FARSB: variants seen among roughly 807,000 people sequenced by gnomAD.
The protein encoded by FARSB is phenylalanyl-tRNA synthetase subunit beta, also known as phenylalanine--tRNA ligase beta subunit.
Under a neutral mutation model 69.6 loss-of-function variants are expected in FARSB, and 40 were observed. That is an observed-to-expected ratio of 0.57 (90% confidence interval 0.45 to 0.75). FARSB has a LOEUF of 0.75. Among genes scored for constraint, FARSB ranks in the 30% least tolerant of loss-of-function variants. The probability of loss-of-function intolerance (pLI) is 0.00; values close to 1 mark genes in which losing one functional copy is unlikely to be tolerated. For missense variants in FARSB, 632 were observed against 722.9 expected (o/e 0.87, Z 1.44); for synonymous variants, 235 against 247.2 (o/e 0.95, Z 0.46).
chr2:222,618,409 C>A (rs1318051960), intron 14 of FARSB, among the ~76,000 whole-genome samples: 1 of 152,108 alleles, frequency 6.6e-6, no homozygotes, highest in East Asian at 1.9e-4. Context: ...TTTATAATAG[C>A]ATTAACCTTC....
chr2:222,635,287 A>C (rs1425738010), intron 5 of FARSB, among the ~76,000 whole-genome samples: 1 of 152,228 alleles, frequency 6.6e-6, no homozygotes, highest in East Asian at 1.9e-4. Flanking sequence ...TCTAACAGTC[A>C]ATTTGAAAGG....
chr2:222,605,161 T>TTC (rs71053093), intron 15 of FARSB, among the ~76,000 whole-genome samples: 1,696 of 132,680 alleles, frequency 0.013, 30 homozygotes, highest in Middle Eastern at 0.031. Context: ...AATACAAACT[T>TTC]TCTCTCTCTC....
At chr2:222,655,944 C>A in intron 1 of FARSB, 72 bp downstream of exon 1, 1 of 1,248,786 alleles carries the variant, frequency 8.0e-7, no homozygotes, top group Non-Finnish European at 1.1e-6. Flanking sequence ...AATGTCGCCA[C>A]ATTGCCCTTT....
Position 222,633,682 on chromosome 2 carries a change from C to CA in FARSB, c.607-376dup, listed in dbSNP as rs10596934. On this transcript the variant is annotated intron_variant, in intron 6 of 16. Transcript: ENST00000281828. Reference sequence around the variant, plus strand: ...GGGCAACAAGAGCGAAACTCCGTCTCAAAAAAAAAAAAAAAAAAAAAGGAG... The same window carrying CA: ...GGGCAACAAGAGCGAAACTCCGTCTCAAAAAAAAAAAAAAAAAAAAAAGGAG... Among the ~76,000 whole-genome samples, 365 of 88,152 alleles carry CA rather than the reference C, an allele frequency of 4.1e-3. 4 individuals carry two copies. Among genetic ancestry groups the CA allele is most frequent in the African/African-American group, 0.011 (238 of 22,502 alleles). 57.8% of individuals were successfully genotyped at this position (88,152 alleles called of 152,430 possible).
chr2:222,596,681 A>G (rs1690425840), intron 16 of FARSB, among the ~76,000 whole-genome samples: 1 of 152,084 alleles, frequency 6.6e-6, no homozygotes, highest in Admixed American at 6.5e-5. Flanking sequence ...ATAACAATAA[A>G]CTGGAGGAAA....
intron 7 of FARSB, among the ~76,000 whole-genome samples, chr2:222,632,056 C>A (rs536858137): frequency 2.6e-5 from 4 of 151,900 alleles, no homozygotes; most frequent in Admixed American, 2.6e-4. Context: ...TGCAATGGCA[C>A]GACATGGTGC....
chr2:222,575,162 A>G (rs1378128548), intron 16 of FARSB, among the ~76,000 whole-genome samples: 1 of 152,250 alleles, frequency 6.6e-6, no homozygotes, highest in African/African-American at 2.4e-5. Flanking sequence ...GAAAGGGGGT[A>G]GTTGAGCACA....
In FARSB at chr2:222,640,907, C is replaced by T. The variant is rs1366476591; in HGVS notation, c.294G>A (p.Arg98=). 1.9e-6 allele frequency: 3 copies of T among 1,540,360 alleles called. No individual in the cohort carries two copies. The highest frequency in any genetic ancestry group is 2.8e-5 in the African/African-American group (2 of 72,628). Residue 98 remains arginine (R), a synonymous_variant, in exon 4 of 17, where the codon CGG becomes CGA. Coordinates refer to ENST00000281828, the MANE Select transcript of FARSB (RefSeq NM_005687.5). The part of the protein sequence containing the change: ...KERIKAPVYK[R]VMPDGKIQKL... Reference sequence around the variant, plus strand: ...TCTGGATTTTTCCATCAGGCATTACCCGTTTATACACTGGAGCCTTTATCC... The same window carrying T: ...TCTGGATTTTTCCATCAGGCATTACTCGTTTATACACTGGAGCCTTTATCC...
chr2:222,631,731 A>G (rs745469484), intron 7 of FARSB, 57 bp from the exon 8 acceptor site: 45 of 950,778 alleles, frequency 4.7e-5, no homozygotes, highest in Non-Finnish European at 7.1e-5. Context: ...ATAGAAGTGC[A>G]CTATTAAGCT....
chr2:222,586,341 A>G (rs1690111999), intron 16 of FARSB, among the ~76,000 whole-genome samples: 1 of 152,240 alleles, frequency 6.6e-6, no homozygotes, highest in Admixed American at 6.5e-5. Flanking sequence ...GGCCTACCTT[A>G]CAAGAGCTCC....
chr2:222,600,656 A>G lies in FARSB; in HGVS notation c.1463-573T>C, dbSNP rs138217218. 2.7e-3 allele frequency among the ~76,000 whole-genome samples: 414 copies of G among 152,362 alleles called. 1 individual carries two copies. The highest frequency in any genetic ancestry group is 9.5e-3 in the African/African-American group (393 of 41,586). The stretch of plus-strand genomic sequence containing the variant: ...ATCATAGTAAATGAAAATTAAAAAG[A>G]GACCACAAGGTTCAAAAAGAGGCAA... On this transcript the variant is annotated intron_variant, in intron 15 of 16. Coordinates refer to ENST00000281828, the MANE Select transcript of FARSB (RefSeq NM_005687.5).
At chr2:222,625,491 G>C (rs74320753) in intron 10 of FARSB, among the ~76,000 whole-genome samples, 1 of 152,140 alleles carries the variant, frequency 6.6e-6, no homozygotes, top group Non-Finnish European at 1.5e-5. Context: ...CTCAAAATGC[G>C]GTCCTCAGAG....
chr2:222,634,581 GA>G, intron 5 of FARSB, 40 bp from the exon 6 acceptor site: 1 of 1,512,702 alleles, frequency 6.6e-7, no homozygotes, highest in Non-Finnish European at 9.0e-7. Context: ...GGGAGGAAAG[GA>G]AAGGAGGAGA....
chr2:222,599,616 T>C (rs1239967478), intron 16 of FARSB, among the ~76,000 whole-genome samples: 1 of 152,200 alleles, frequency 6.6e-6, no homozygotes, highest in Non-Finnish European at 1.5e-5. Context: ...ACTTCTGGGT[T>C]CACCATGTGC....
At chr2:222,616,722 G>T (rs989325407) in intron 14 of FARSB, among the ~76,000 whole-genome samples, 3 of 151,890 alleles carry the variant, frequency 2.0e-5, no homozygotes, top group Non-Finnish European at 4.4e-5. Flanking sequence ...TTTTTATCTT[G>T]CCCATTCTCC....
At chr2:222,574,317 C>A in intron 16 of FARSB, among the ~76,000 whole-genome samples, 1 of 152,016 alleles carries the variant, frequency 6.6e-6, no homozygotes, top group African/African-American at 2.4e-5. Context: ...TCCCTCTTTC[C>A]AAAGAAAAGC....
chr2:222,587,114 A>T (rs1453100075), intron 16 of FARSB, among the ~76,000 whole-genome samples: 1 of 152,154 alleles, frequency 6.6e-6, no homozygotes, highest in African/African-American at 2.4e-5. Flanking sequence ...GAAGTAAAGC[A>T]CTCCTCAGCA....
At chr2:222,644,919 A>G (rs970822729) in intron 2 of FARSB, among the ~76,000 whole-genome samples, 1 of 152,036 alleles carries the variant, frequency 6.6e-6, no homozygotes, top group Non-Finnish European at 1.5e-5. Context: ...CAGGTAACCA[A>G]AACTGTGGAG....
At chr2:222,575,172 AAT>A (rs1198532488) in intron 16 of FARSB, among the ~76,000 whole-genome samples, 1 of 152,216 alleles carries the variant, frequency 6.6e-6, no homozygotes, top group Non-Finnish European at 1.5e-5. Flanking sequence ...AGTTGAGCAC[AAT>A]AACTCCGGTA....
Sources: allele counts gnomAD v4.1 joint callset (sites outside exome capture counted in the v4.1 genomes callset), GRCh38; gene constraint gnomAD v4.1.1; transcripts MANE v1.5; gene names NCBI Gene and HGNC (gene_info 2026-07-23, HGNC 2026-07-21).